CCDC66: variants seen among roughly 807,000 people sequenced by gnomAD.
CCDC66 encodes the protein coiled-coil domain containing 66.
In CCDC66, 133 loss-of-function variants were observed where a neutral mutation model predicts 128.3. The ratio of observed to expected loss-of-function variants is 1.04; its 90% CI spans 0.90 to 1.20. The LOEUF is 1.20. CCDC66 is among the 50% of genes most tolerant of loss of function. The pLI, the probability that CCDC66 is intolerant of heterozygous loss-of-function variation, is 0.00. For missense variants in CCDC66, 1,126 were observed against 1,075.5 expected, an observed-to-expected ratio of 1.05 and a Z score of -0.66; for synonymous variants, 387 against 357.0, an observed-to-expected ratio of 1.08 and a Z score of -0.95.
intron 7 of CCDC66, among the ~76,000 whole-genome samples, chr3:56,584,568 T>C (rs148823247): frequency 0.67 from 99,523 of 148,352 alleles, 33,956 homozygotes; most frequent in Middle Eastern, 0.84. Flanking sequence ...ACTTCCCAGA[T>C]GGGATGGCGG....
chr3:56,617,454 A>T lies in CCDC66; in HGVS notation c.2186A>T (p.Glu729Val). 6.2e-7 allele frequency: 1 copy of T among 1,613,668 alleles called. No individual in the cohort carries two copies. The highest frequency in any genetic ancestry group is 8.5e-7 in the Non-Finnish European group (1 of 1,179,772). The change falls in exon 14 of 18, where the codon GAA becomes GTA. Residue 729 changes from glutamate to valine, a missense_variant. Glu to Val is a moderately radical substitution (Grantham distance 121, BLOSUM62 -2). Transcript: ENST00000394672. ...AAACAGCTTCAAAAGCAGAGAGAAG[A>T]AAAAAAAGTAAGGAGGCAGATGGAA... is the stretch of plus-strand genomic sequence containing the variant. ...YPKQLQKQRE[E>V]KKVRRQMELL...
At chr3:56,614,815 G>C (rs1386211571) in intron 11 of CCDC66, among the ~76,000 whole-genome samples, 1 of 152,016 alleles carries the variant, frequency 6.6e-6, no homozygotes, top group Non-Finnish European at 1.5e-5. Context: ...CGCAAGAAAT[G>C]GTCATAAATC....
chr3:56,608,063 A>G (rs148138392), intron 10 of CCDC66, among the ~76,000 whole-genome samples: 472 of 152,274 alleles, frequency 3.1e-3, no homozygotes, highest in Non-Finnish European at 5.5e-3. Context: ...TTTAGCATCT[A>G]TGTTCATCAA....
intron 10 of CCDC66, among the ~76,000 whole-genome samples, chr3:56,612,747 A>G (rs1041993256): frequency 6.6e-6 from 1 of 152,100 alleles, no homozygotes; most frequent in Non-Finnish European, 1.5e-5. Flanking sequence ...GATTGGGCCC[A>G]TACTCTAGGA....
intron 4 of CCDC66, 147 bp downstream of exon 4, chr3:56,564,272 TTCTC>T (rs2065494679): frequency 1.7e-6 from 1 of 591,206 alleles, no homozygotes; most frequent in Admixed American, 3.4e-5. Context: ...TTAGAGGACT[TTCTC>T]TAATATGCAA....
At chr3:56,574,625 G>A (rs1319957018) in intron 7 of CCDC66, among the ~76,000 whole-genome samples, 2 of 151,788 alleles carry the variant, frequency 1.3e-5, no homozygotes, top group Non-Finnish European at 2.9e-5. Flanking sequence ...AAAACATGAG[G>A]TAATGCATAT....
chr3:56,621,535 C>T lies in CCDC66; in HGVS notation c.2764C>T (p.Leu922Phe). ...ACATATATCAATGTGATTTCAGGGC[C>T]TTCTCCAGAAGCAAAAGGAGTTGGA... ...LKGLSELRQG[L>F]LQKQKELESS... The change falls in exon 18 of 18, where the codon CTT (leucine) becomes TTT (phenylalanine). Residue 922 changes from leucine to phenylalanine, a missense_variant. Leu to Phe is a conservative substitution (Grantham distance 22, BLOSUM62 0). Coordinates refer to ENST00000394672, the MANE Select transcript of CCDC66 (RefSeq NM_001141947.3). 6.3e-7 allele frequency: 1 copy of T among 1,586,482 alleles called. No homozygotes were observed. Among genetic ancestry groups the T allele is most frequent in the Non-Finnish European group, 8.6e-7 (1 of 1,166,682 alleles).
chr3:56,570,746 TA>T lies in CCDC66; in HGVS notation c.815-422del, dbSNP rs77964160. 109 of 15,414 alleles carry T rather than the reference TA, an allele frequency of 7.1e-3. 1 individual carries two copies. The highest frequency in any genetic ancestry group is 0.014 in the Non-Finnish European group (42 of 3,000). The allele number at this position is 15,414 out of a possible 1,614,324, so 1.0% of individuals were successfully genotyped here. A position where few individuals can be genotyped will look rare whatever the true frequency, so the allele number is the denominator to read the frequency against. On this transcript the variant is annotated intron_variant, in intron 6 of 17. Transcript: ENST00000394672. ...CTGCTGACAGAATGAGACTCTATAT[TA>T]AAAAAAAAAAAAGCTTACCAGCAGT...
intron 10 of CCDC66, among the ~76,000 whole-genome samples, chr3:56,611,987 A>G (rs1255642604): frequency 6.6e-6 from 1 of 152,112 alleles, no homozygotes; most frequent in Admixed American, 6.5e-5. Flanking sequence ...TCCTCTAAGG[A>G]TTGCTGGTCT....
In CCDC66 at chr3:56,613,475, T is replaced by C. The variant is rs1332513083; in HGVS notation, c.1405-114T>C. Reference sequence around the variant, plus strand: ...AAGTATGATTGTCTACTCATTATTTTGGTTCCCCTCTGTGGAAGAGGTGAG... The same window carrying C: ...AAGTATGATTGTCTACTCATTATTTCGGTTCCCCTCTGTGGAAGAGGTGAG... On this transcript the variant is annotated intron_variant, in intron 10 of 17. Transcript: ENST00000394672. 4 of 1,102,088 alleles carry C rather than the reference T, an allele frequency of 3.6e-6. No individual in the cohort carries two copies. The African/African-American group carries it at 4.8e-5, about 13-fold the overall frequency. The allele number at this position is 1,102,088 out of a possible 1,614,324, so 68.3% of individuals were successfully genotyped here.
At chr3:56,606,023 C>T (rs115746973) in intron 10 of CCDC66, among the ~76,000 whole-genome samples, 7,697 of 152,106 alleles carry the variant, frequency 0.051, 289 homozygotes, top group South Asian at 0.16. Context: ...TGCTGAGCTG[C>T]GGTGGGCTCT....
At chr3:56,614,994 GTTGAC>G in intron 11 of CCDC66, 129 bp from the exon 12 acceptor site, 1 of 709,344 alleles carries the variant, frequency 1.4e-6, no homozygotes, top group Non-Finnish European at 2.2e-6. Flanking sequence ...ACTTTGCCTT[GTTGAC>G]TGTTGTACCC....
chr3:56,566,384 C>T (rs539424148), intron 4 of CCDC66, among the ~76,000 whole-genome samples: 1 of 152,152 alleles, frequency 6.6e-6, no homozygotes, highest in Non-Finnish European at 1.5e-5. Context: ...GTCAGCCTTC[C>T]AAAGTTCTGG....
At chr3:56,561,820 A>G (rs552536095) in intron 3 of CCDC66, among the ~76,000 whole-genome samples, 12 of 152,180 alleles carry the variant, frequency 7.9e-5, no homozygotes, top group Non-Finnish European at 1.8e-4. Flanking sequence ...TTATCTCTGC[A>G]TAGTGCTTTT....
intron 7 of CCDC66, among the ~76,000 whole-genome samples, chr3:56,577,990 A>G (rs1035447750): frequency 1.3e-5 from 2 of 151,848 alleles, no homozygotes; most frequent in African/African-American, 4.8e-5. Context: ...ATAGCATTGA[A>G]TCTATACATT....
chr3:56,566,491 T>A, intron 4 of CCDC66, 103 bp from the exon 5 acceptor site: 1 of 698,692 alleles, frequency 1.4e-6, no homozygotes, highest in African/African-American at 1.8e-5. Context: ...TGAGAGTTAA[T>A]TTAAGTAACG....
At chr3:56,559,703 G>T in intron 3 of CCDC66, 109 bp downstream of exon 3, 1 of 770,938 alleles carries the variant, frequency 1.3e-6, no homozygotes, top group Non-Finnish European at 2.0e-6. Context: ...AAGGGGTTTG[G>T]AATTATAGTG....
Position 56,619,569 on chromosome 3 carries a change from C to T in CCDC66, c.2635+42C>T, listed in dbSNP as rs1326682430. 17 of 1,487,300 alleles carry T rather than the reference C, an allele frequency of 1.1e-5. No homozygotes were observed. The Admixed American group carries it at 3.9e-4, about 34-fold the overall frequency. 92.1% of individuals were successfully genotyped at this position (1,487,300 alleles called of 1,614,324 possible). A position where few individuals can be genotyped will look rare whatever the true frequency, so the allele number is the denominator to read the frequency against. ...CATTCTAACTGTAAAAATTGAAGAC[C>T]CATGTAAACCCCGTCAACAACTTTA... On this transcript the variant is annotated intron_variant, in intron 16 of 17. Coordinates refer to ENST00000394672, the MANE Select transcript of CCDC66 (RefSeq NM_001141947.3).
At chr3:56,619,080 C>T (rs1288693095) in intron 15 of CCDC66, 191 bp from the exon 16 acceptor site, 5 of 507,260 alleles carry the variant, frequency 9.9e-6, no homozygotes, top group East Asian at 3.5e-5. Context: ...TAGCTGGGCA[C>T]TGTGGCGTGC....
Sources: gnomAD v4.1 joint callset for allele counts (sites outside exome capture counted in the v4.1 genomes callset) on GRCh38, gnomAD v4.1.1 for gene constraint, MANE v1.5 for transcripts, NCBI Gene and HGNC (gene_info 2026-07-23, HGNC 2026-07-21) for gene names.